Variants in HIRA observed in about 807,000 individuals in gnomAD.
HIRA encodes protein HIRA.
Under a neutral mutation model 126.6 loss-of-function variants are expected in HIRA, and 13 were observed. The observed-to-expected ratio is 0.10, with a 90% CI of 0.07 to 0.16. HIRA has a LOEUF of 0.16. HIRA is among the 10% of genes least tolerant of loss of function. The pLI is 1.00. For missense variants in HIRA, 834 were observed against 1,314.4 expected (o/e 0.63, Z 5.65); for synonymous variants, 511 against 520.0 (o/e 0.98, Z 0.24).
chr22:19,426,280 T>C (rs563031531), intron 1 of HIRA, among the ~76,000 whole-genome samples: 1 of 152,200 alleles, frequency 6.6e-6, no homozygotes, highest in Admixed American at 6.5e-5. Flanking sequence ...TGTTCTCCTC[T>C]CTCCCCTAAC....
chr22:19,370,246 TTTTG>T (rs1291896557), intron 15 of HIRA, among the ~76,000 whole-genome samples: 2 of 151,828 alleles, frequency 1.3e-5, no homozygotes, highest in African/African-American at 4.8e-5. Flanking sequence ...GCCTGGCCTG[TTTTG>T]TTTTTATTCT....
At chr22:19,340,867 T>G (rs2088620063) in intron 24 of HIRA, among the ~76,000 whole-genome samples, 1 of 152,160 alleles carries the variant, frequency 6.6e-6, no homozygotes, top group Non-Finnish European at 1.5e-5. Context: ...AAAGAAATCA[T>G]AGACAACACA....
rs376780591 is a variant in HIRA at position 19,359,358 on chromosome 22, T to C, written c.2212A>G (p.Ile738Val). 5 of 1,599,260 alleles carry C rather than the reference T, an allele frequency of 3.1e-6. No homozygotes were observed. The African/African-American group carries it at 6.7e-5, about 21-fold the overall frequency. The change falls in exon 18 of 25, where the codon ATC becomes GTC. Residue 738 changes from isoleucine (I) to valine (V), a missense_variant. By Grantham distance (29) the Ile-to-Val change is conservative. This residue lies in a region of HIRA where 468 missense variants were observed against 574.2 expected (regional missense o/e 0.82). Coordinates refer to ENST00000263208, the MANE Select transcript of HIRA (RefSeq NM_003325.4). ...TACCAGCTGCCCGCAGCAGTGAGGATCCGGCTGGTGAGTACCGTCTCCCAC... is the reference window on the plus strand; with the variant it reads ...TACCAGCTGCCCGCAGCAGTGAGGACCCGGCTGGTGAGTACCGTCTCCCAC... ...KEWETVLTSR[I>V]LTAAGSCDVV...
intron 15 of HIRA, among the ~76,000 whole-genome samples, chr22:19,373,471 C>T (rs2088986644): frequency 6.6e-6 from 1 of 152,172 alleles, no homozygotes; most frequent in South Asian, 2.1e-4. Context: ...AGTGCTTTAT[C>T]AGTGGTAATG....
At chr22:19,392,011 A>G in intron 9 of HIRA, 90 bp downstream of exon 9, 1 of 683,020 alleles carries the variant, frequency 1.5e-6, no homozygotes, top group Non-Finnish European at 2.5e-6. Context: ...CACTCTTAGC[A>G]TCACCCAAAG....
chr22:19,393,123 G>A (rs2089195868), intron 8 of HIRA, among the ~76,000 whole-genome samples: 1 of 152,090 alleles, frequency 6.6e-6, no homozygotes, highest in South Asian at 2.1e-4. Context: ...GGAGCTCTGT[G>A]AGCCATAGGC....
chr22:19,365,865 G>A (rs191361150), intron 15 of HIRA: 11 of 152,202 alleles, frequency 7.2e-5, no homozygotes, highest in Admixed American at 5.9e-4. Flanking sequence ...TCCACACTAA[G>A]TTTGGCATCA....
chr22:19,407,148 A>G, intron 4 of HIRA, 36 bp downstream of exon 4: 2 of 1,547,692 alleles, frequency 1.3e-6, no homozygotes, highest in Non-Finnish European at 1.8e-6. Context: ...AGCAGCTTCT[A>G]AAAATAAAAT....
chr22:19,413,422 G>A (rs988900417), intron 1 of HIRA, among the ~76,000 whole-genome samples: 2 of 151,862 alleles, frequency 1.3e-5, no homozygotes, highest in Non-Finnish European at 2.9e-5. Context: ...TTGAGAAGGC[G>A]TGCCTGGTTC....
At chr22:19,378,148 T>A in intron 13 of HIRA, 82 bp from the exon 14 acceptor site, 3 of 1,066,310 alleles carry the variant, frequency 2.8e-6, no homozygotes, top group Non-Finnish European at 3.9e-6. Context: ...AACTTTTTTC[T>A]AGGTCCAAAG....
chr22:19,365,210 G>A (rs2088901477), intron 15 of HIRA, among the ~76,000 whole-genome samples: 1 of 152,226 alleles, frequency 6.6e-6, no homozygotes, highest in African/African-American at 2.4e-5. Context: ...AGCAGCAAGT[G>A]CTAATGTAGA....
chr22:19,401,737 A>G (rs543389969), intron 5 of HIRA, among the ~76,000 whole-genome samples: 4 of 152,050 alleles, frequency 2.6e-5, no homozygotes, highest in African/African-American at 9.6e-5. Flanking sequence ...GCCTCTGATC[A>G]CTTCTCACCA....
intron 1 of HIRA, among the ~76,000 whole-genome samples, chr22:19,415,208 T>C (rs1456570725): frequency 6.6e-6 from 1 of 152,146 alleles, no homozygotes; most frequent in East Asian, 1.9e-4. Flanking sequence ...GAAAAACTAT[T>C]AGTGCTAATA....
chr22:19,403,922 C>T lies in HIRA; in HGVS notation c.397+1864G>A, dbSNP rs775928327. Among the ~76,000 whole-genome samples, 16 of 152,118 alleles carry T rather than the reference C, an allele frequency of 1.1e-4. 1 individual carries two copies. Among genetic ancestry groups the T allele is most frequent in the Non-Finnish European group, 2.1e-4 (14 of 68,004 alleles). On this transcript the variant is annotated intron_variant, in intron 5 of 24. Coordinates refer to ENST00000263208, the MANE Select transcript of HIRA (RefSeq NM_003325.4). Reference sequence around the variant, plus strand: ...TGGTTACTATTCTGTTCAGTTTTTCCTAATCCTATGGTATCAATTATGAAA... The same window carrying T: ...TGGTTACTATTCTGTTCAGTTTTTCTTAATCCTATGGTATCAATTATGAAA...
intron 13 of HIRA, among the ~76,000 whole-genome samples, chr22:19,382,583 A>G (rs1049594007): frequency 4.6e-5 from 7 of 152,204 alleles, no homozygotes; most frequent in African/African-American, 1.7e-4. Flanking sequence ...GTTTCTTTAG[A>G]CACCAAGGAA....
intron 15 of HIRA, among the ~76,000 whole-genome samples, chr22:19,362,934 A>AT (rs2088878004): frequency 6.6e-6 from 1 of 151,850 alleles, no homozygotes; most frequent in Non-Finnish European, 1.5e-5. Context: ...AGAAGTGAAG[A>AT]TTAAAAAAAA....
intron 15 of HIRA, among the ~76,000 whole-genome samples, chr22:19,362,955 C>T (rs1023067454): frequency 5.3e-5 from 8 of 151,522 alleles, no homozygotes; most frequent in East Asian, 1.9e-4. Flanking sequence ...AGAATAAGGC[C>T]GGGCACGGTG....
In HIRA at chr22:19,398,583, C is replaced by T. The variant is rs576579894; in HGVS notation, c.398-496G>A. 2.0e-5 allele frequency among the ~76,000 whole-genome samples: 3 copies of T among 152,364 alleles called. No individual in the cohort carries two copies. The South Asian group carries it at 6.2e-4, about 32-fold the overall frequency. ...CATGGACTGGGTCTCATCTCCCAGA[C>T]CCTGACAGGAGTACCCCTTCACTAT... On this transcript the variant is annotated intron_variant, in intron 5 of 24. Coordinates refer to ENST00000263208, the MANE Select transcript of HIRA (RefSeq NM_003325.4).
intron 1 of HIRA, among the ~76,000 whole-genome samples, chr22:19,419,694 A>G (rs1417352410): frequency 1.3e-5 from 2 of 152,246 alleles, no homozygotes; most frequent in African/African-American, 2.4e-5. Context: ...GGCTTGGCAC[A>G]TAACAGGCAC....
Sources: gnomAD v4.1 joint callset for allele counts (sites outside exome capture counted in the v4.1 genomes callset) on GRCh38, gnomAD v4.1.1 for gene constraint, gnomAD v4.1.1 regional missense constraint, MANE v1.5 for transcripts, NCBI Gene and HGNC (gene_info 2026-07-23, HGNC 2026-07-21) for gene names.